CNTNAP4: variants seen among roughly 807,000 people sequenced by gnomAD.
CNTNAP4 encodes the protein contactin associated protein family member 4, also known as contactin-associated protein-like 4.
CNTNAP4 carries 98 observed loss-of-function variants against 148.4 expected under a neutral mutation model. The observed-to-expected ratio is 0.66, with a 90% CI of 0.56 to 0.78. The LOEUF (loss-of-function observed/expected upper bound fraction) is 0.78, where lower values mean the gene tolerates loss of function less well. CNTNAP4 is among the 30% of genes least tolerant of loss of function. The probability of loss-of-function intolerance (pLI) is 0.00; values close to 1 mark genes in which losing one functional copy is unlikely to be tolerated. For missense variants in CNTNAP4, 1,935 were observed against 1,565.6 expected, an observed-to-expected ratio of 1.24 and a Z score of -3.98; for synonymous variants, 730 against 565.1, an observed-to-expected ratio of 1.29 and a Z score of -4.14.
At position 76,316,498 on chromosome 16, in the gene CNTNAP4, A is replaced by G; in HGVS notation, c.171A>G (p.Gly57=). The change falls in exon 2 of 24, where the codon GGA becomes GGG. Residue 57 remains glycine, a synonymous_variant. Transcript: ENST00000611870. ...AGCTCTCCAGCAGTCATGGTCCTGG[A>G]TTTGCAAGGCTGAATAGAAGAGATG... ...SSELSSSHGP[G]FARLNRRDGA... The G allele has an allele frequency of 1.2e-6, 2 of 1,613,634 alleles. No homozygotes were observed. Among genetic ancestry groups the G allele is most frequent in the Non-Finnish European group, 1.7e-6 (2 of 1,179,630 alleles).
intron 14 of CNTNAP4, among the ~76,000 whole-genome samples, chr16:76,496,085 T>TGTGTGTG (rs1555576716): frequency 1.4e-5 from 2 of 140,036 alleles, no homozygotes; most frequent in African/African-American, 2.5e-5. Context: ...CAAGATTATG[T>TGTGTGTG]TGTGTGTGTG....
rs186678956 is a variant in CNTNAP4, at chr16:76,542,500, T to A, written c.3442+1710T>A. The stretch of plus-strand genomic sequence containing the variant: ...TGTTTTAACTGTGGGACCCATCTAC[T>A]TCCCTACAGATGGCTCTCAGCTTTG... On this transcript the variant is annotated intron_variant, in intron 21 of 23. Coordinates refer to ENST00000611870, the MANE Select transcript of CNTNAP4 (RefSeq NM_033401.5). Among the ~76,000 whole-genome samples, 425 of 152,278 alleles carry A rather than the reference T, an allele frequency of 2.8e-3. 1 individual carries two copies. The highest frequency in any genetic ancestry group is 6.8e-3 in the Middle Eastern group (2 of 294).
chr16:76,449,759 C>G lies in CNTNAP4; in HGVS notation c.972C>G (p.Phe324Leu). 6.3e-7 allele frequency: 1 copy of G among 1,596,756 alleles called. No homozygotes were observed. The highest frequency in any genetic ancestry group is 8.5e-7 in the Non-Finnish European group (1 of 1,170,646). Reference protein sequence around the residue: ...GIPAPGKSVSFPHRNFHGCLE... With the variant: ...GIPAPGKSVSLPHRNFHGCLE... ...CAGCACCTGGAAAATCAGTGTCATT[C>G]CCACATAGAAATTTTCATGGATGTT... The change falls in exon 7 of 24, where the codon TTC (phenylalanine) becomes TTG (leucine). Residue 324 changes from phenylalanine to leucine, a missense_variant. Transcript: ENST00000611870.
At chr16:76,551,714 A>T (rs1328648470) in intron 21 of CNTNAP4, among the ~76,000 whole-genome samples, 1 of 152,218 alleles carries the variant, frequency 6.6e-6, no homozygotes, top group African/African-American at 2.4e-5. Context: ...AAGTTTTATC[A>T]GTAGCATGCA....
At chr16:76,320,485 G>A (rs139062767) in intron 2 of CNTNAP4, among the ~76,000 whole-genome samples, 13 of 152,198 alleles carry the variant, frequency 8.5e-5, no homozygotes, top group African/African-American at 3.1e-4. Context: ...GGGTAGGACA[G>A]ATTTTGCTAA....
intron 4 of CNTNAP4, among the ~76,000 whole-genome samples, chr16:76,433,112 C>T (rs2079670547): frequency 6.6e-6 from 1 of 152,078 alleles, no homozygotes; most frequent in Non-Finnish European, 1.5e-5. Flanking sequence ...CATGACATGC[C>T]CACGTTATAC....
intron 1 of CNTNAP4, among the ~76,000 whole-genome samples, chr16:76,303,702 A>G (rs937185590): frequency 1.3e-5 from 2 of 152,190 alleles, no homozygotes; most frequent in Middle Eastern, 3.2e-3. Flanking sequence ...GTGCAGTTTA[A>G]AATTCTGCTT....
chr16:76,449,616 A>T (rs1053305240), intron 6 of CNTNAP4, 99 bp from the exon 7 acceptor site: 3 of 984,022 alleles, frequency 3.0e-6, no homozygotes, highest in South Asian at 4.2e-5. Context: ...TGAAAAATTG[A>T]TCTGTGTGTG....
Position 76,558,923 on chromosome 16 carries a change from T to C in CNTNAP4, c.*240T>C, listed in dbSNP as rs2085310299. The C allele has an allele frequency of 8.9e-6, 3 of 336,646 alleles. No individual in the cohort carries two copies. Among genetic ancestry groups the C allele is most frequent in the Non-Finnish European group, 1.6e-5 (3 of 186,782 alleles). 20.9% of individuals were successfully genotyped at this position (336,646 alleles called of 1,614,324 possible). A position where few individuals can be genotyped will look rare whatever the true frequency, so the allele number is the denominator to read the frequency against. ...CTGTTAATTTTCAACTGTTCTGGTA[T>C]GATCTAAAACAAGTTTAACCTGCTT... is the stretch of plus-strand genomic sequence containing the variant. On this transcript the variant is annotated 3_prime_UTR_variant, in exon 24 of 24. Transcript: ENST00000611870.
At chr16:76,391,316 C>T (rs1402825436) in intron 3 of CNTNAP4, among the ~76,000 whole-genome samples, 1 of 152,192 alleles carries the variant, frequency 6.6e-6, no homozygotes, top group African/African-American at 2.4e-5. Flanking sequence ...TTTCACATCT[C>T]TTATTATTTT....
At chr16:76,472,537 T>G (rs1004343592) in intron 10 of CNTNAP4, among the ~76,000 whole-genome samples, 2 of 150,000 alleles carry the variant, frequency 1.3e-5, no homozygotes, top group African/African-American at 5.0e-5. Context: ...ATTAGTTTGC[T>G]AAGGAAGTGG....
intron 15 of CNTNAP4, among the ~76,000 whole-genome samples, chr16:76,517,829 C>T (rs1280703092): frequency 1.3e-5 from 2 of 152,150 alleles, no homozygotes; most frequent in Non-Finnish European, 2.9e-5. Flanking sequence ...CCCTCGATCG[C>T]TCCATCTCCC....
At chr16:76,463,498 CT>C (rs2081060031) in intron 9 of CNTNAP4, among the ~76,000 whole-genome samples, 1 of 152,058 alleles carries the variant, frequency 6.6e-6, no homozygotes, top group Non-Finnish European at 1.5e-5. Context: ...CACATGTACT[CT>C]GTAATTTTGC....
intron 3 of CNTNAP4, among the ~76,000 whole-genome samples, chr16:76,386,252 G>C (rs561838920): frequency 7.9e-4 from 120 of 152,270 alleles, no homozygotes; most frequent in Non-Finnish European, 1.3e-3. Context: ...TATGGGTATA[G>C]TATAGCTCTA....
intron 2 of CNTNAP4, among the ~76,000 whole-genome samples, chr16:76,329,740 A>T (rs1415866830): frequency 1.3e-5 from 2 of 152,224 alleles, no homozygotes; most frequent in Non-Finnish European, 2.9e-5. Context: ...AGATTGATAT[A>T]TAATTAATAG....
chr16:76,299,799 A>C (rs967521059), intron 1 of CNTNAP4, among the ~76,000 whole-genome samples: 1 of 152,186 alleles, frequency 6.6e-6, no homozygotes, highest in Admixed American at 6.6e-5. Context: ...TATACACCAC[A>C]GAATACTATG....
At chr16:76,484,710 C>T (rs768860951) in intron 12 of CNTNAP4, among the ~76,000 whole-genome samples, 2 of 152,300 alleles carry the variant, frequency 1.3e-5, no homozygotes, top group East Asian at 3.9e-4. Context: ...AGATCAAGCA[C>T]TGGTCTCTTT....
chr16:76,282,373 ATAAG>A (rs1254806865), intron 1 of CNTNAP4, among the ~76,000 whole-genome samples: 1 of 151,942 alleles, frequency 6.6e-6, no homozygotes, highest in African/African-American at 2.4e-5. Context: ...AATGAAGTAT[ATAAG>A]TAATATAAGT....
intron 3 of CNTNAP4, among the ~76,000 whole-genome samples, chr16:76,385,107 A>AT: frequency 6.6e-6 from 1 of 152,366 alleles, no homozygotes; most frequent in South Asian, 2.1e-4. Flanking sequence ...GAGCATAATT[A>AT]TAAATATTTA....
Sources: gnomAD v4.1 joint callset for allele counts (sites outside exome capture counted in the v4.1 genomes callset) on GRCh38, gnomAD v4.1.1 for gene constraint, MANE v1.5 for transcripts, NCBI Gene and HGNC (gene_info 2026-07-23, HGNC 2026-07-21) for gene names.